The following ZRANB3 variants were observed in gnomAD, a reference collection of about 807,000 sequenced individuals.
The protein encoded by ZRANB3 is zinc finger RANBP2-type containing 3.
In ZRANB3, 125 loss-of-function variants were observed where a neutral mutation model predicts 133.8. The ratio of observed to expected loss-of-function variants is 0.93; its 90% confidence interval spans 0.81 to 1.08. The LOEUF (loss-of-function observed/expected upper bound fraction) is 1.08. Ranked by LOEUF, ZRANB3 falls within the 50% of genes least tolerant of loss-of-function variation. The pLI, the probability that ZRANB3 is intolerant of heterozygous loss-of-function variation, is 0.00. For missense variants in ZRANB3, 1,229 were observed against 1,275.5 expected (o/e 0.96, Z 0.56); for synonymous variants, 387 against 432.7 (o/e 0.89, Z 1.31).
At chr2:135,334,838 T>C (rs1453676100) in intron 6 of ZRANB3, among the ~76,000 whole-genome samples, 2 of 152,126 alleles carry the variant, frequency 1.3e-5, no homozygotes, top group Non-Finnish European at 2.9e-5. Context: ...GAGGTTGCAG[T>C]GTGCTGAGAT....
chr2:135,349,558 T>C (rs1243947271), intron 5 of ZRANB3, among the ~76,000 whole-genome samples: 2 of 152,204 alleles, frequency 1.3e-5, no homozygotes, highest in African/African-American at 2.4e-5. Context: ...CTTTTCCAAA[T>C]GTGACTCTTA....
chr2:135,441,972 A>C (rs1278557088), intron 2 of ZRANB3, among the ~76,000 whole-genome samples: 2 of 152,084 alleles, frequency 1.3e-5, no homozygotes, highest in African/African-American at 4.8e-5. Flanking sequence ...GACATTCAAC[A>C]ATGAGGGATA....
intron 6 of ZRANB3, among the ~76,000 whole-genome samples, chr2:135,320,618 T>C (rs1247795399): frequency 6.6e-6 from 1 of 152,248 alleles, no homozygotes; most frequent in Non-Finnish European, 1.5e-5. Flanking sequence ...AAAAAAGTCA[T>C]TTCCCAGTAG....
intron 2 of ZRANB3, among the ~76,000 whole-genome samples, chr2:135,487,920 GCTAA>G (rs1437876264): frequency 6.6e-6 from 1 of 152,148 alleles, no homozygotes; most frequent in Non-Finnish European, 1.5e-5. Context: ...CACAACTTGG[GCTAA>G]CTGTCTGGCA....
intron 15 of ZRANB3, among the ~76,000 whole-genome samples, chr2:135,222,143 G>A (rs1490820872): frequency 2.0e-5 from 3 of 151,978 alleles, no homozygotes; most frequent in East Asian, 1.9e-4. Flanking sequence ...GGTGGCTCAC[G>A]TTTGTAATCC....
intron 2 of ZRANB3, among the ~76,000 whole-genome samples, chr2:135,432,558 T>G (rs1042137385): frequency 1.3e-5 from 2 of 152,212 alleles, no homozygotes; most frequent in African/African-American, 4.8e-5. Flanking sequence ...TTTATGGTTT[T>G]AAGAGTTAAC....
chr2:135,462,076 T>C (rs1323066011), intron 2 of ZRANB3, among the ~76,000 whole-genome samples: 3 of 152,182 alleles, frequency 2.0e-5, no homozygotes, highest in African/African-American at 7.2e-5. Context: ...AAATGCAATT[T>C]AAAGTAGACT....
intron 8 of ZRANB3, among the ~76,000 whole-genome samples, chr2:135,286,044 A>G (rs573212383): frequency 6.3e-4 from 96 of 152,294 alleles, no homozygotes; most frequent in African/African-American, 2.3e-3. Flanking sequence ...TATCATCATT[A>G]TTTTAAAAAA....
intron 2 of ZRANB3, among the ~76,000 whole-genome samples, chr2:135,462,487 T>C (rs1378096082): frequency 6.6e-6 from 1 of 152,198 alleles, no homozygotes. Context: ...ACTTTCATAT[T>C]ATAATAATTT....
At chr2:135,347,974 A>G (rs1337128649) in intron 5 of ZRANB3, among the ~76,000 whole-genome samples, 1 of 152,118 alleles carries the variant, frequency 6.6e-6, no homozygotes. Flanking sequence ...AAGAGTGGAA[A>G]TAGACTGGGT....
At chr2:135,413,162 T>A (rs1688386930) in intron 2 of ZRANB3, among the ~76,000 whole-genome samples, 1 of 152,198 alleles carries the variant, frequency 6.6e-6, no homozygotes, top group South Asian at 2.1e-4. Flanking sequence ...TTTAGGACAC[T>A]TCGGATATAT....
chr2:135,514,274 C>G (rs550125783), intron 1 of ZRANB3, among the ~76,000 whole-genome samples: 6 of 152,290 alleles, frequency 3.9e-5, no homozygotes, highest in African/African-American at 1.2e-4. Flanking sequence ...TATCCATGAG[C>G]ATGGAATGTT....
chr2:135,443,123 A>G (rs1293494168), intron 2 of ZRANB3, among the ~76,000 whole-genome samples: 1 of 132,500 alleles, frequency 7.5e-6, no homozygotes, highest in Non-Finnish European at 1.5e-5. Flanking sequence ...CTCAAAAAAA[A>G]AAAGAAAGAA....
intron 15 of ZRANB3, among the ~76,000 whole-genome samples, chr2:135,219,459 T>C (rs895706694): frequency 3.3e-5 from 5 of 152,234 alleles, no homozygotes; most frequent in South Asian, 2.1e-4. Context: ...TGCTGTGTCA[T>C]ACTCTTTTCT....
intron 3 of ZRANB3, among the ~76,000 whole-genome samples, chr2:135,365,027 C>A (rs76031916): frequency 1.4e-5 from 2 of 146,354 alleles, no homozygotes; most frequent in Non-Finnish European, 3.0e-5. Flanking sequence ...CCAGCCTGGG[C>A]AACAGAGACT....
chr2:135,425,152 G>C (rs990860095), intron 2 of ZRANB3, among the ~76,000 whole-genome samples: 2 of 152,102 alleles, frequency 1.3e-5, no homozygotes, highest in African/African-American at 2.4e-5. Flanking sequence ...TTTAAGACAT[G>C]CAAGGCTCTC....
At chr2:135,322,834 T>C (rs557540914) in intron 6 of ZRANB3, among the ~76,000 whole-genome samples, 46 of 152,078 alleles carry the variant, frequency 3.0e-4, no homozygotes, top group African/African-American at 7.2e-4. Context: ...CTGGATAACA[T>C]GGCAAAACCC....
At chr2:135,359,825 T>G (rs907238585) in intron 3 of ZRANB3, among the ~76,000 whole-genome samples, 1 of 152,138 alleles carries the variant, frequency 6.6e-6, no homozygotes, top group African/African-American at 2.4e-5. Flanking sequence ...TAAAAGTGAT[T>G]CTCAGAAATT....
At chr2:135,402,972 G>T (rs557085643) in intron 2 of ZRANB3, among the ~76,000 whole-genome samples, 1 of 152,224 alleles carries the variant, frequency 6.6e-6, no homozygotes, top group East Asian at 1.9e-4. Context: ...GCCTGAGGGG[G>T]TGCAGCCAAG....
Sources: gnomAD v4.1 joint callset for allele counts (sites outside exome capture counted in the v4.1 genomes callset) on GRCh38, gnomAD v4.1.1 for gene constraint, MANE v1.5 for transcripts, NCBI Gene and HGNC (gene_info 2026-07-23, HGNC 2026-07-21) for gene names.